IGSF22: variants seen among roughly 807,000 people sequenced by gnomAD.
IGSF22 encodes the protein immunoglobulin superfamily member 22, also known as immunoglobulin superfamily, member 22.
A neutral mutation model predicts 127.0 loss-of-function variants in IGSF22; 119 were observed. The observed-to-expected ratio is 0.94, with a 90% CI of 0.81 to 1.09. IGSF22 has a LOEUF of 1.09. Among genes scored for constraint, IGSF22 ranks in the 50% least tolerant of loss-of-function variants. IGSF22 has a pLI of 0.00. For missense variants in IGSF22, 1,518 were observed against 1,716.6 expected, an observed-to-expected ratio of 0.88 and a Z score of 2.04; for synonymous variants, 568 against 664.7, an observed-to-expected ratio of 0.85 and a Z score of 2.24.
chr11:18,723,731 T>C (rs993445128), intron 2 of IGSF22, among the ~76,000 whole-genome samples: 3 of 152,238 alleles, frequency 2.0e-5, no homozygotes, highest in Admixed American at 1.3e-4. Context: ...AAGTCTCCTA[T>C]TTCTTAAGTG....
Position 18,712,082 on chromosome 11 carries a change from C to G in IGSF22, c.2398G>C (p.Glu800Gln). The change falls in exon 15 of 23, where the codon GAG becomes CAG. Residue 800 changes from glutamate (E) to glutamine (Q), a missense_variant and splice_region_variant. This residue lies in a region of IGSF22 where 1,456 missense variants were observed against 1,644.9 expected (regional missense o/e 0.89). Coordinates refer to ENST00000513874, the MANE Select transcript of IGSF22 (RefSeq NM_173588.4). ...TEEVFAGNPI[E>Q]PPGFASQPQV... is the part of the protein sequence containing the mutation. Reference sequence around the variant, plus strand: ...CTGAGCACCAGGCTATCTCACTGACCTATGGGATTTCCTGCAAACACTTCT... The same window carrying G: ...CTGAGCACCAGGCTATCTCACTGACGTATGGGATTTCCTGCAAACACTTCT... 4.5e-6 allele frequency: 7 copies of G among 1,549,084 alleles called. No homozygotes were observed. Among genetic ancestry groups the G allele is most frequent in the Non-Finnish European group, 6.1e-6 (7 of 1,145,154 alleles).
At chr11:18,712,912 G>A (rs888839283) in intron 14 of IGSF22, among the ~76,000 whole-genome samples, 3 of 152,158 alleles carry the variant, frequency 2.0e-5, no homozygotes, top group Non-Finnish European at 2.9e-5. Context: ...TGGTGATGGC[G>A]TGTACGTGGC....
chr11:18,704,973 G>A (rs530701300), intron 22 of IGSF22, among the ~76,000 whole-genome samples: 1 of 152,292 alleles, frequency 6.6e-6, no homozygotes, highest in South Asian at 2.1e-4. Context: ...AGCCTCTCTG[G>A]AGATATTGTC....
intron 11 of IGSF22, 87 bp downstream of exon 11, chr11:18,715,345 A>T (rs1160838164): frequency 1.5e-6 from 2 of 1,376,482 alleles, no homozygotes; most frequent in Non-Finnish European, 2.0e-6. Context: ...GGTTGGAGTT[A>T]GTGGGAGGGG....
At chr11:18,724,005 T>G in intron 2 of IGSF22, 123 bp downstream of exon 2, 1 of 664,798 alleles carries the variant, frequency 1.5e-6, no homozygotes, top group Non-Finnish European at 2.7e-6. Flanking sequence ...GGGTGGGGGT[T>G]GCTGTTGGTA....
At position 18,704,555 on chromosome 11, in the gene IGSF22, A is replaced by G; in HGVS notation, c.3911-17T>C. On this transcript the variant is annotated splice_polypyrimidine_tract_variant and intron_variant, in intron 22 of 22. Transcript: ENST00000513874. Reference sequence around the variant, plus strand: ...CATCTTTGTCTGAAAGAGCAAAGGAAGTATTCGTTATATTAATGATGCTGG... The same window carrying G: ...CATCTTTGTCTGAAAGAGCAAAGGAGGTATTCGTTATATTAATGATGCTGG... 1 of 1,503,866 alleles carries G rather than the reference A, an allele frequency of 6.6e-7. No individual in the cohort carries two copies. The highest frequency in any genetic ancestry group is 1.4e-5 in the African/African-American group (1 of 72,128). 93.2% of individuals were successfully genotyped at this position (1,503,866 alleles called of 1,614,324 possible). A position where few individuals can be genotyped will look rare whatever the true frequency, so the allele number is the denominator to read the frequency against.
chr11:18,717,138 G>A (rs546269146), intron 9 of IGSF22, 138 bp from the exon 10 acceptor site: 11 of 878,190 alleles, frequency 1.3e-5, no homozygotes, highest in African/African-American at 3.4e-5. Flanking sequence ...TTTTGTTTTC[G>A]AGCCCTTCTC....
chr11:18,709,898 A>G lies in IGSF22; in HGVS notation c.2702-215T>C, dbSNP rs1848318854. On this transcript the variant is annotated intron_variant, in intron 17 of 22. Transcript: ENST00000513874. This position sits in a 1 kb window ranked among gnomAD's most constrained non-coding sequence, Gnocchi z 4.8. Reference sequence around the variant, plus strand: ...TAACACTTTCATCCTTAAACTCAATACCCCTTAAATTCAACATACCCCACA... The same window carrying G: ...TAACACTTTCATCCTTAAACTCAATGCCCCTTAAATTCAACATACCCCACA... 6.6e-6 allele frequency among the ~76,000 whole-genome samples: 1 copy of G among 151,970 alleles called. No homozygotes were observed. The highest frequency in any genetic ancestry group is 2.1e-4 in the South Asian group (1 of 4,800).
chr11:18,709,030 C>T lies in IGSF22; in HGVS notation c.2998+357G>A, dbSNP rs754200217. ...GCAGGCTCCCTGGACTTTGAATTTTCGGGGAATTGATTTGGGTAATAACTC... is the reference window on the plus strand; with the variant it reads ...GCAGGCTCCCTGGACTTTGAATTTTTGGGGAATTGATTTGGGTAATAACTC... On this transcript the variant is annotated intron_variant, in intron 18 of 22. Coordinates refer to ENST00000513874, the MANE Select transcript of IGSF22 (RefSeq NM_173588.4). This position sits in a 1 kb window ranked among gnomAD's most constrained non-coding sequence, Gnocchi z 4.8. Among the ~76,000 whole-genome samples the T allele has an allele frequency of 4.6e-5, 7 of 152,130 alleles. No individual in the cohort carries two copies. The highest frequency in any genetic ancestry group is 1.9e-4 in the East Asian group (1 of 5,194).
Position 18,705,973 on chromosome 11 carries a change from T to C in IGSF22, c.3754A>G (p.Asn1252Asp). 6.4e-7 allele frequency: 1 copy of C among 1,551,744 alleles called. No homozygotes were observed. The highest frequency in any genetic ancestry group is 8.7e-7 in the Non-Finnish European group (1 of 1,146,984). The change falls in exon 22 of 23, where the codon AAC becomes GAC. Residue 1252 changes from asparagine to aspartate, a missense_variant. Transcript: ENST00000513874. Reference protein sequence around the residue: ...PTVTLYKGDVNITANSKFWYN... With the variant: ...PTVTLYKGDVDITANSKFWYN... ...CAGAACTTGGAGTTGGCCGTGATGT[T>C]GACGTCGCCCTTGTAGAGGGTCACT...
Position 18,707,211 on chromosome 11 carries a change from A to C in IGSF22, c.3283T>G (p.Phe1095Val), listed in dbSNP as rs1848256199. ...CGTAGGTTTGTGGGGGGCCGAGGGA[A>C]ATCTGGAAGAGTTGGAAGATCTGTC... is the stretch of plus-strand genomic sequence containing the variant. ...RYDIHVRVAD[F>V]PRPPTNLRLF... The change falls in exon 21 of 23, where the codon TTC becomes GTC. Residue 1095 changes from phenylalanine to valine, a missense_variant and splice_region_variant. Coordinates refer to ENST00000513874, the MANE Select transcript of IGSF22 (RefSeq NM_173588.4). 2.6e-6 allele frequency: 4 copies of C among 1,523,284 alleles called. No homozygotes were observed. The highest frequency in any genetic ancestry group is 1.8e-6 in the Non-Finnish European group (2 of 1,130,102). 94.4% of individuals were successfully genotyped at this position (1,523,284 alleles called of 1,614,324 possible). A position where few individuals can be genotyped will look rare whatever the true frequency, so the allele number is the denominator to read the frequency against.
At chr11:18,725,590 G>A (rs889187263) in intron 1 of IGSF22, among the ~76,000 whole-genome samples, 4 of 151,944 alleles carry the variant, frequency 2.6e-5, no homozygotes, top group East Asian at 1.9e-4. Context: ...ACAGGCACCC[G>A]CCATCACACC....
rs775866708 is a variant in IGSF22 at position 18,714,380 on chromosome 11, A to C, written c.1695T>G (p.Gly565=). Residue 565 remains glycine (G), a synonymous_variant, in exon 13 of 23, where the codon GGT becomes GGG. Coordinates refer to ENST00000513874, the MANE Select transcript of IGSF22 (RefSeq NM_173588.4). The part of the protein sequence containing the change: ...DLPGMQIVKQ[G]AVHKLIFPSM... ...TGGGAAAGATGAGCTTGTGCACTGCACCCTGCTTCACAATCTGCATGCCTG... is the reference window on the plus strand; with the variant it reads ...TGGGAAAGATGAGCTTGTGCACTGCCCCCTGCTTCACAATCTGCATGCCTG... The C allele has an allele frequency of 1.2e-6, 2 of 1,614,026 alleles. No individual in the cohort carries two copies. The highest frequency in any genetic ancestry group is 1.7e-6 in the Non-Finnish European group (2 of 1,180,022).
intron 21 of IGSF22, 86 bp downstream of exon 21, chr11:18,706,828 G>A: frequency 9.7e-7 from 1 of 1,027,688 alleles, no homozygotes; most frequent in Non-Finnish European, 1.4e-6. Context: ...ATTTTATCTT[G>A]CCTCTTGGGT....
chr11:18,714,416 G>A lies in IGSF22; in HGVS notation c.1659C>T (p.Ile553=), dbSNP rs1243973919. 1.2e-6 allele frequency: 2 copies of A among 1,614,054 alleles called. No individual in the cohort carries two copies. The highest frequency in any genetic ancestry group is 1.1e-5 in the South Asian group (1 of 91,074). The change falls in exon 13 of 23, where the codon ATC becomes ATT. Residue 553 remains isoleucine, a splice_region_variant and synonymous_variant. Transcript: ENST00000513874. ...CAATCTGCATGCCTGGCAAGTCCGT[G>A]ATCTGGGGGTCAGGGGTGGGCCTGA... is the stretch of plus-strand genomic sequence containing the variant. ...EGVWLKDGKE[I]TDLPGMQIVK... is the part of the protein sequence containing the mutation.
At position 18,710,324 on chromosome 11, in the gene IGSF22, C is replaced by T. The variant is rs1848328409; in HGVS notation, c.2701+3G>A. The T allele has an allele frequency of 6.2e-7, 1 of 1,613,974 alleles. No individual in the cohort carries two copies. The highest frequency in any genetic ancestry group is 8.5e-7 in the Non-Finnish European group (1 of 1,179,890). On this transcript the variant is annotated splice_donor_region_variant and intron_variant, in intron 17 of 22. Transcript: ENST00000513874. ...TGTCAGGACCTGGCAGCCGCATACT[C>T]ACTAACAGGATCCTTGGCCACTACT...
At position 18,709,210 on chromosome 11, in the gene IGSF22, ATTG is replaced by A. The variant is rs1848304160; in HGVS notation, c.2998+174_2998+176del. Among the ~76,000 whole-genome samples the A allele has an allele frequency of 7.6e-5, 1 of 13,114 alleles. No individual in the cohort carries two copies. The highest frequency in any genetic ancestry group is 1.9e-4 in the Non-Finnish European group (1 of 5,350). 8.6% of individuals were successfully genotyped at this position (13,114 alleles called of 152,430 possible). A position where few individuals can be genotyped will look rare whatever the true frequency, so the allele number is the denominator to read the frequency against. On this transcript the variant is annotated intron_variant, in intron 18 of 22. Coordinates refer to ENST00000513874, the MANE Select transcript of IGSF22 (RefSeq NM_173588.4). The surrounding 1 kb of genome is among the most constrained non-coding windows in gnomAD (Gnocchi z 4.8). Reference sequence around the variant, plus strand: ...AGTAGATGCTATTTGGCACACAATGATTGATTTAGTAGGGGTGCCCCTGAAGTT... The same window carrying A: ...AGTAGATGCTATTTGGCACACAATGAATTTAGTAGGGGTGCCCCTGAAGTT...
rs184034485 is a variant in IGSF22 at position 18,715,505 on chromosome 11, G to A, written c.1458C>T (p.Gly486=). The change falls in exon 11 of 23, where the codon GGC becomes GGT. Residue 486 remains glycine (G), a synonymous_variant. Coordinates refer to ENST00000513874, the MANE Select transcript of IGSF22 (RefSeq NM_173588.4). The stretch of plus-strand genomic sequence containing the variant: ...CCTGCATGGCCACCACAGTGTACTC[G>A]CCACCATCACTGAGCTGTGCATCCT... ...IIEDAQLSDG[G]EYTVVAMQDG... is the part of the protein sequence containing the mutation. 3.8e-4 allele frequency: 608 copies of A among 1,613,814 alleles called. 6 individuals are homozygous for A. The East Asian group carries it at 0.013, about 34-fold the overall frequency.
Position 18,721,533 on chromosome 11 carries a change from A to G in IGSF22, c.378+2T>C. 6.2e-7 allele frequency: 1 copy of G among 1,613,936 alleles called. No homozygotes were observed. The highest frequency in any genetic ancestry group is 1.1e-5 in the South Asian group (1 of 91,076). On this transcript the variant is annotated splice_donor_variant, in intron 4 of 22. Transcript: ENST00000513874. LOFTEE classifies it high-confidence loss of function. Reference sequence around the variant, plus strand: ...AACTGGACTTGGGCTTGGCCCCCGCACCTTCAGCACGTGTTCCTTGTTAAT... The same window carrying G: ...AACTGGACTTGGGCTTGGCCCCCGCGCCTTCAGCACGTGTTCCTTGTTAAT...
Sources: allele counts gnomAD v4.1 joint callset (sites outside exome capture counted in the v4.1 genomes callset), GRCh38; gene constraint gnomAD v4.1.1; regional missense constraint gnomAD v4.1.1; non-coding constraint Gnocchi (gnomAD v3.1); transcripts MANE v1.5; gene names NCBI Gene and HGNC (gene_info 2026-07-23, HGNC 2026-07-21).